TMOD2: variants seen among roughly 807,000 people sequenced by gnomAD.
TMOD2 encodes the protein tropomodulin 2, also known as tropomodulin-2.
TMOD2 carries 22 observed loss-of-function variants against 39.9 expected under a neutral mutation model. The ratio of observed to expected loss-of-function variants is 0.55; its 90% CI spans 0.39 to 0.79. TMOD2 has a LOEUF of 0.79. TMOD2 is among the 30% of genes least tolerant of loss of function. The probability of loss-of-function intolerance (pLI) is 0.00; values close to 1 mark genes in which losing one functional copy is unlikely to be tolerated. For synonymous variants in TMOD2, 123 were observed against 146.1 expected (o/e 0.84, Z 1.14); for missense variants, 386 against 413.3 (o/e 0.93, Z 0.57).
At chr15:51,751,831 G>A (rs1444366830) in intron 1 of TMOD2, 119 bp downstream of exon 1, 1 of 150,280 alleles carries the variant, frequency 6.7e-6, no homozygotes, top group African/African-American at 2.4e-5. Context: ...TCCGCGACAT[G>A]GGCGGTCGGC....
At position 51,751,694 on chromosome 15, in the gene TMOD2, G is replaced by C. The variant is rs2055704263; in HGVS notation, c.-88G>C. ...ACTGACGGCCAGCACAGCCGGCTCC[G>C]GGATGAGCGCACGGACGGGTGAGCG... On this transcript the variant is annotated 5_prime_UTR_variant, in exon 1 of 10. Coordinates refer to ENST00000249700, the MANE Select transcript of TMOD2 (RefSeq NM_014548.4). 1 of 156,276 alleles carries C rather than the reference G, an allele frequency of 6.4e-6. No individual in the cohort carries two copies. The highest frequency in any genetic ancestry group is 2.0e-4 in the South Asian group (1 of 4,894). 9.7% of individuals were successfully genotyped at this position (156,276 alleles called of 1,614,324 possible). A position where few individuals can be genotyped will look rare whatever the true frequency, so the allele number is the denominator to read the frequency against.
intron 9 of TMOD2, among the ~76,000 whole-genome samples, chr15:51,806,979 T>C (rs1464870390): frequency 6.6e-6 from 1 of 152,242 alleles, no homozygotes; most frequent in Non-Finnish European, 1.5e-5. Flanking sequence ...AAGTTTAAAC[T>C]CACAGGTCGC....
At chr15:51,783,021 A>T (rs1392557285) in intron 7 of TMOD2, 193 bp downstream of exon 7, 1 of 565,210 alleles carries the variant, frequency 1.8e-6, no homozygotes, top group Non-Finnish European at 3.1e-6. Context: ...GTTATCTGGA[A>T]TTTTGTCAGC....
chr15:51,765,928 C>T (rs1383431885), intron 1 of TMOD2, among the ~76,000 whole-genome samples: 1 of 152,224 alleles, frequency 6.6e-6, no homozygotes, highest in African/African-American at 2.4e-5. Context: ...CCTGAAAAGA[C>T]ACAAGTATGC....
Position 51,806,525 on chromosome 15 carries a change from A to C in TMOD2, c.1021+4A>C. 6.2e-7 allele frequency: 1 copy of C among 1,614,096 alleles called. No individual in the cohort carries two copies. The highest frequency in any genetic ancestry group is 1.1e-5 in the South Asian group (1 of 91,064). ...ATCACAAAGAATAATGACCTGGGTAATTCAGCCATAATATTTGCTGTTAAC... is the reference window on the plus strand; with the variant it reads ...ATCACAAAGAATAATGACCTGGGTACTTCAGCCATAATATTTGCTGTTAAC... On this transcript the variant is annotated splice_donor_region_variant and intron_variant, in intron 9 of 9. Coordinates refer to ENST00000249700, the MANE Select transcript of TMOD2 (RefSeq NM_014548.4).
chr15:51,785,911 A>G (rs974367094), intron 7 of TMOD2, among the ~76,000 whole-genome samples: 2 of 152,176 alleles, frequency 1.3e-5, no homozygotes, highest in Admixed American at 1.3e-4. Context: ...ACACCCCCAA[A>G]AATATGTACA....
chr15:51,791,558 G>T (rs1036997002), intron 7 of TMOD2, among the ~76,000 whole-genome samples: 1 of 151,988 alleles, frequency 6.6e-6, no homozygotes, highest in Admixed American at 6.6e-5. Flanking sequence ...GACAATCCTG[G>T]GCAAGAAGAA....
At chr15:51,763,190 C>T (rs938921024) in intron 1 of TMOD2, among the ~76,000 whole-genome samples, 2 of 152,214 alleles carry the variant, frequency 1.3e-5, no homozygotes, top group Non-Finnish European at 2.9e-5. Flanking sequence ...CCTCCTGCCT[C>T]AGCCTCCCAA....
chr15:51,805,643 A>G (rs1328668567), intron 8 of TMOD2, among the ~76,000 whole-genome samples: 1 of 152,232 alleles, frequency 6.6e-6, no homozygotes, highest in Non-Finnish European at 1.5e-5. Flanking sequence ...GTAGAATTTG[A>G]TTGATTGTAA....
intron 3 of TMOD2, among the ~76,000 whole-genome samples, chr15:51,771,294 GGAGGCTACTAT>G: frequency 6.6e-6 from 1 of 152,316 alleles, no homozygotes; most frequent in East Asian, 1.9e-4. Context: ...AGGAGCAGCG[GGAGGCTACTAT>G]GAGGTCCTCA....
At chr15:51,759,962 T>G (rs1228027272) in intron 1 of TMOD2, among the ~76,000 whole-genome samples, 1 of 152,164 alleles carries the variant, frequency 6.6e-6, no homozygotes, top group African/African-American at 2.4e-5. Context: ...AATCTCCCCC[T>G]CCCCTGCTCT....
chr15:51,805,276 A>AT (rs2056114991), intron 8 of TMOD2, among the ~76,000 whole-genome samples: 1 of 152,128 alleles, frequency 6.6e-6, no homozygotes, highest in South Asian at 2.1e-4. Context: ...TTAAAAAAAA[A>AT]GAAAAAAAAA....
intron 1 of TMOD2, among the ~76,000 whole-genome samples, chr15:51,765,417 G>A (rs1208967022): frequency 6.6e-6 from 1 of 152,196 alleles, no homozygotes; most frequent in Non-Finnish European, 1.5e-5. Context: ...GGCATATCTT[G>A]TTTATCTTTG....
intron 8 of TMOD2, among the ~76,000 whole-genome samples, chr15:51,801,237 T>TCTCACACACACACACACACA (rs1491214017): frequency 9.8e-6 from 1 of 102,136 alleles, no homozygotes; most frequent in Non-Finnish European, 1.9e-5. Context: ...TCTCTCTCTC[T>TCTCACACACACACACACACA]CACACACACA....
At chr15:51,776,133 T>C (rs889495562) in intron 4 of TMOD2, among the ~76,000 whole-genome samples, 1 of 152,160 alleles carries the variant, frequency 6.6e-6, no homozygotes, top group African/African-American at 2.4e-5. Flanking sequence ...CCCTTTCTTG[T>C]GCTGTGCCAG....
At chr15:51,806,622 C>G in intron 9 of TMOD2, 101 bp downstream of exon 9, 2 of 1,343,104 alleles carry the variant, frequency 1.5e-6, no homozygotes, top group Non-Finnish European at 2.1e-6. Flanking sequence ...CCACTGGCCT[C>G]TGATGTCACT....
At chr15:51,808,387 A>G (rs749724202) in intron 9 of TMOD2, 33 bp from the exon 10 acceptor site, 1 of 1,593,378 alleles carries the variant, frequency 6.3e-7, no homozygotes. Context: ...TATCCCTTCA[A>G]TTTGTCTTTT....
intron 7 of TMOD2, chr15:51,783,117 T>C: frequency 3.0e-6 from 1 of 332,460 alleles, no homozygotes; most frequent in Non-Finnish European, 5.7e-6. Flanking sequence ...TAGGATACAT[T>C]TTCTAAAACT....
intron 3 of TMOD2, among the ~76,000 whole-genome samples, chr15:51,772,441 C>T (rs780524917): frequency 6.6e-6 from 1 of 152,008 alleles, no homozygotes; most frequent in Non-Finnish European, 1.5e-5. Flanking sequence ...TGGCCTGGCT[C>T]GAAGTTAGGA....
Sources: allele counts gnomAD v4.1 joint callset (sites outside exome capture counted in the v4.1 genomes callset), GRCh38; gene constraint gnomAD v4.1.1; transcripts MANE v1.5; gene names NCBI Gene and HGNC (gene_info 2026-07-23, HGNC 2026-07-21).